Variants in SLC14A2 observed in about 807,000 individuals in gnomAD.
SLC14A2 encodes urea transporter 2.
In SLC14A2, 91 loss-of-function variants were observed where a neutral mutation model predicts 104.6. The ratio of observed to expected loss-of-function variants is 0.87; its 90% CI spans 0.73 to 1.04. The LOEUF (loss-of-function observed/expected upper bound fraction) is 1.04, where lower values mean the gene tolerates loss of function less well. Ranked by LOEUF, SLC14A2 falls within the 50% of genes least tolerant of loss-of-function variation. The pLI is 0.00. For missense variants in SLC14A2, 1,189 were observed against 1,156.0 expected, an observed-to-expected ratio of 1.03 and a Z score of -0.41; for synonymous variants, 476 against 466.4, an observed-to-expected ratio of 1.02 and a Z score of -0.27.
chr18:45,446,705 C>T (rs961316580), intron 1 of SLC14A2, among the ~76,000 whole-genome samples: 6 of 152,204 alleles, frequency 3.9e-5, no homozygotes, highest in Non-Finnish European at 8.8e-5. Flanking sequence ...GCAGCCCTTT[C>T]CCCACCTCGC....
intron 1 of SLC14A2, among the ~76,000 whole-genome samples, chr18:45,328,393 G>A (rs1486642815): frequency 6.6e-6 from 1 of 152,154 alleles, no homozygotes; most frequent in Non-Finnish European, 1.5e-5. Flanking sequence ...CAAAGCCATG[G>A]ATACTAGCGC....
intron 16 of SLC14A2, 127 bp from the exon 17 acceptor site, chr18:45,672,773 A>G: frequency 1.3e-6 from 1 of 778,174 alleles, no homozygotes; most frequent in Non-Finnish European, 2.1e-6. Context: ...ATTTGAATAG[A>G]AACAAAAATC....
At chr18:45,179,373 G>A in the SLC14A2 span, among the ~76,000 whole-genome samples, 2 of 152,124 alleles carry the variant, frequency 1.3e-5, no homozygotes, top group Admixed American at 1.3e-4. Context: ...CATGGCCTCA[G>A]GCTGGAAGTC....
At chr18:45,396,983 C>T (rs2086040888) in intron 1 of SLC14A2, among the ~76,000 whole-genome samples, 2 of 152,156 alleles carry the variant, frequency 1.3e-5, no homozygotes, top group African/African-American at 2.4e-5. Context: ...CATGTTTCCA[C>T]AAAAGACATG....
chr18:45,346,339 T>C (rs984449091), intron 1 of SLC14A2, among the ~76,000 whole-genome samples: 1 of 152,146 alleles, frequency 6.6e-6, no homozygotes, highest in African/African-American at 2.4e-5. Context: ...GTATTTTTAG[T>C]AGAGACAGGG....
intron 1 of SLC14A2, among the ~76,000 whole-genome samples, chr18:45,439,916 A>G (rs1307121157): frequency 6.6e-6 from 1 of 152,144 alleles, no homozygotes; most frequent in Non-Finnish European, 1.5e-5. Flanking sequence ...TTTTTTTCTC[A>G]TAAGTAAGAC....
chr18:45,184,639 T>G, the SLC14A2 span, among the ~76,000 whole-genome samples: 2 of 151,828 alleles, frequency 1.3e-5, no homozygotes, highest in Non-Finnish European at 2.9e-5. Context: ...GAAAACCACT[T>G]TTTAAGTATA....
chr18:45,401,208 A>T (rs1162290350), intron 1 of SLC14A2, among the ~76,000 whole-genome samples: 1 of 152,136 alleles, frequency 6.6e-6, no homozygotes, highest in African/African-American at 2.4e-5. Flanking sequence ...CACTGACATC[A>T]TCCCTCACCA....
the SLC14A2 span, chr18:45,168,874 A>C: frequency 6.6e-6 from 1 of 152,170 alleles, no homozygotes; most frequent in Non-Finnish European, 1.5e-5. Flanking sequence ...CTATATATTA[A>C]AACTTTTTGG....
At chr18:45,361,994 T>G (rs1044339170) in intron 1 of SLC14A2, among the ~76,000 whole-genome samples, 1 of 152,150 alleles carries the variant, frequency 6.6e-6, no homozygotes, top group African/African-American at 2.4e-5. Context: ...AAATCTCATA[T>G]CGAATTATAA....
chr18:45,410,111 C>T (rs1040625412), intron 1 of SLC14A2, among the ~76,000 whole-genome samples: 5 of 152,114 alleles, frequency 3.3e-5, no homozygotes, highest in Admixed American at 6.5e-5. Context: ...ACAGGGCTCA[C>T]GCTCCTATGA....
the SLC14A2 span, among the ~76,000 whole-genome samples, chr18:45,207,800 T>TTA: frequency 1.3e-5 from 2 of 151,748 alleles, no homozygotes; most frequent in Non-Finnish European, 2.9e-5. Flanking sequence ...GCATTTTTTT[T>TTA]AAAAAAAAGC....
chr18:45,316,606 G>T (rs1309594352), intron 1 of SLC14A2, among the ~76,000 whole-genome samples: 1 of 152,142 alleles, frequency 6.6e-6, no homozygotes, highest in Non-Finnish European at 1.5e-5. Flanking sequence ...ATGATGCGTG[G>T]ACCTACCTGG....
intron 2 of SLC14A2, among the ~76,000 whole-genome samples, chr18:45,564,228 G>A (rs2144318019): frequency 6.6e-6 from 1 of 152,316 alleles, no homozygotes; most frequent in Non-Finnish European, 1.5e-5. Flanking sequence ...ATTTTGATGA[G>A]GCAGTGATGA....
At chr18:45,425,710 T>C (rs2086414654) in intron 1 of SLC14A2, among the ~76,000 whole-genome samples, 1 of 152,190 alleles carries the variant, frequency 6.6e-6, no homozygotes, top group Non-Finnish European at 1.5e-5. Flanking sequence ...CTCCTGGAAT[T>C]CAGTGTCAGT....
intron 1 of SLC14A2, among the ~76,000 whole-genome samples, chr18:45,394,876 G>A (rs922386701): frequency 6.6e-5 from 10 of 152,108 alleles, no homozygotes; most frequent in African/African-American, 2.2e-4. Context: ...TGGTAGGAAT[G>A]TAAAATGGTG....
At chr18:45,514,127 C>T (rs2043404979) in intron 2 of SLC14A2, among the ~76,000 whole-genome samples, 1 of 152,118 alleles carries the variant, frequency 6.6e-6, no homozygotes, top group African/African-American at 2.4e-5. Context: ...GCCATTCTTA[C>T]ACTGCTATAA....
At chr18:45,575,585 A>C (rs2044407157) in intron 2 of SLC14A2, among the ~76,000 whole-genome samples, 1 of 152,172 alleles carries the variant, frequency 6.6e-6, no homozygotes, top group Non-Finnish European at 1.5e-5. Context: ...CTCTCCTTCA[A>C]GTGCTCCAAG....
intron 18 of SLC14A2, among the ~76,000 whole-genome samples, chr18:45,677,663 G>T (rs1330089393): frequency 6.6e-6 from 1 of 152,210 alleles, no homozygotes; most frequent in Non-Finnish European, 1.5e-5. Context: ...AATGATGTAT[G>T]TTAATTAATG....
Sources: allele counts gnomAD v4.1 joint callset (sites outside exome capture counted in the v4.1 genomes callset), GRCh38; gene constraint gnomAD v4.1.1; transcripts MANE v1.5; gene names NCBI Gene and HGNC (gene_info 2026-07-23, HGNC 2026-07-21).